The following KCNT2 variants were observed in gnomAD, a reference collection of about 807,000 sequenced individuals.
KCNT2 encodes the protein potassium sodium-activated channel subfamily T member 2.
In KCNT2, 67 loss-of-function variants were observed where a neutral mutation model predicts 153.8. That is an observed-to-expected ratio of 0.44 (90% CI 0.36 to 0.53). KCNT2 has a LOEUF of 0.53. Ranked by LOEUF, KCNT2 falls within the 20% of genes least tolerant of loss-of-function variation. The probability of loss-of-function intolerance (pLI) is 0.00; values close to 1 mark genes in which losing one functional copy is unlikely to be tolerated. For missense variants in KCNT2, 975 were observed against 1,354.8 expected, an observed-to-expected ratio of 0.72 and a Z score of 4.40; for synonymous variants, 500 against 458.8, an observed-to-expected ratio of 1.09 and a Z score of -1.15.
intron 8 of KCNT2, among the ~76,000 whole-genome samples, chr1:196,459,033 A>T (rs1676925898): frequency 6.6e-6 from 1 of 151,792 alleles, no homozygotes; most frequent in South Asian, 2.1e-4. Flanking sequence ...TTTCCCGTAG[A>T]TTGTATACCT....
At chr1:196,228,945 G>C (rs1488956258) in intron 27 of KCNT2, among the ~76,000 whole-genome samples, 3 of 151,946 alleles carry the variant, frequency 2.0e-5, no homozygotes, top group African/African-American at 7.2e-5. Context: ...CTAAAATTCA[G>C]CTTATGGTAT....
rs1661699837 is a variant in KCNT2, at chr1:196,578,976, T to G, written c.95+29239A>C. Among the ~76,000 whole-genome samples, 2 of 152,096 alleles carry G rather than the reference T, an allele frequency of 1.3e-5. 1 individual carries two copies. Among genetic ancestry groups the G allele is most frequent in the Non-Finnish European group, 2.9e-5 (2 of 68,026 alleles). ...AGAGATTTTTCATATAATCCCTAGCTCTACACAAGTGTAGTTTCCCTCATT... is the reference window on the plus strand; with the variant it reads ...AGAGATTTTTCATATAATCCCTAGCGCTACACAAGTGTAGTTTCCCTCATT... On this transcript the variant is annotated intron_variant, in intron 1 of 27. Transcript: ENST00000294725.
chr1:196,469,158 A>G (rs540983754), intron 5 of KCNT2, 90 bp from the exon 6 acceptor site: 3 of 715,464 alleles, frequency 4.2e-6, no homozygotes, highest in South Asian at 3.2e-5. Flanking sequence ...TTCTCTAGCA[A>G]TAAGGATGCT....
chr1:196,568,917 T>C (rs1660451606), intron 1 of KCNT2, among the ~76,000 whole-genome samples: 1 of 152,024 alleles, frequency 6.6e-6, no homozygotes, highest in Admixed American at 6.6e-5. Context: ...CTCTGTACGG[T>C]AAAATCTATT....
chr1:196,285,451 G>T (rs1659568066), intron 23 of KCNT2, among the ~76,000 whole-genome samples: 1 of 152,002 alleles, frequency 6.6e-6, no homozygotes, highest in Admixed American at 6.6e-5. Flanking sequence ...ATTTCCATAG[G>T]TTATTTTTAA....
intron 1 of KCNT2, among the ~76,000 whole-genome samples, chr1:196,506,403 G>T (rs1190832007): frequency 6.6e-6 from 1 of 152,094 alleles, no homozygotes; most frequent in African/African-American, 2.4e-5. Context: ...ATTTCAATTT[G>T]ATATGGTTGT....
intron 25 of KCNT2, 102 bp from the exon 26 acceptor site, chr1:196,258,596 C>A (rs898088958): frequency 1.1e-6 from 1 of 951,072 alleles, no homozygotes; most frequent in Non-Finnish European, 1.6e-6. Context: ...TATTTCTACT[C>A]AGGAGAGTTT....
chr1:196,257,545 T>G, intron 26 of KCNT2: 9 of 930,184 alleles, frequency 9.7e-6, no homozygotes, highest in Non-Finnish European at 1.2e-5. Flanking sequence ...TAAAGTAAAA[T>G]TCATACACTG....
At chr1:196,425,338 T>C (rs1465538077) in intron 11 of KCNT2, among the ~76,000 whole-genome samples, 1 of 151,984 alleles carries the variant, frequency 6.6e-6, no homozygotes, top group African/African-American at 2.4e-5. Flanking sequence ...GTCACCTTTC[T>C]GATTCCTCTA....
chr1:196,430,232 T>C (rs1674018822), intron 8 of KCNT2, among the ~76,000 whole-genome samples: 1 of 152,002 alleles, frequency 6.6e-6, no homozygotes, highest in African/African-American at 2.4e-5. Flanking sequence ...TTGAATGCTG[T>C]CCCCTCCAAA....
At position 196,453,677 on chromosome 1, in the gene KCNT2, G is replaced by A. The variant is rs561616111; in HGVS notation, c.638+11616C>T. ...TTAGATCATGCCACATCCAATGGGG[G>A]GATAATTCACGTGTCACCACAAATG... On this transcript the variant is annotated intron_variant, in intron 8 of 27. Coordinates refer to ENST00000294725, the MANE Select transcript of KCNT2 (RefSeq NM_198503.5). Among the ~76,000 whole-genome samples, 18 of 151,906 alleles carry A rather than the reference G, an allele frequency of 1.2e-4. No homozygotes were observed. In the East Asian group the frequency reaches 3.5e-3, roughly 30 times the overall value.
At chr1:196,580,349 T>A (rs970895604) in intron 1 of KCNT2, among the ~76,000 whole-genome samples, 1 of 151,988 alleles carries the variant, frequency 6.6e-6, no homozygotes, top group African/African-American at 2.4e-5. Flanking sequence ...GGGAGGGAGT[T>A]CCTGAGTAAC....
intron 12 of KCNT2, among the ~76,000 whole-genome samples, chr1:196,422,316 A>G (rs1236985297): frequency 6.6e-6 from 1 of 151,964 alleles, no homozygotes; most frequent in Non-Finnish European, 1.5e-5. Context: ...CCCATTCTCT[A>G]TAGAAACCAC....
chr1:196,307,864 G>T (rs932965055), intron 21 of KCNT2, among the ~76,000 whole-genome samples: 1 of 151,990 alleles, frequency 6.6e-6, no homozygotes, highest in Non-Finnish European at 1.5e-5. Context: ...ACTCCATCTG[G>T]TAGGCCTGGG....
intron 1 of KCNT2, among the ~76,000 whole-genome samples, chr1:196,495,536 CCTT>C (rs1283367518): frequency 6.6e-6 from 1 of 152,038 alleles, no homozygotes; most frequent in Non-Finnish European, 1.5e-5. Context: ...TCCCTCTCTT[CCTT>C]CTTTTCTTCT....
At chr1:196,437,524 T>C (rs1674835032) in intron 8 of KCNT2, among the ~76,000 whole-genome samples, 1 of 149,036 alleles carries the variant, frequency 6.7e-6, no homozygotes, top group Admixed American at 6.8e-5. Context: ...TTTTGCTATC[T>C]AAAATATAAA....
chr1:196,414,920 A>G (rs755432620), intron 12 of KCNT2, among the ~76,000 whole-genome samples: 1 of 151,938 alleles, frequency 6.6e-6, no homozygotes, highest in Non-Finnish European at 1.5e-5. Flanking sequence ...AAGCACATAA[A>G]ATGACAGTGA....
At chr1:196,333,459 AATT>A (rs1170501817) in intron 17 of KCNT2, among the ~76,000 whole-genome samples, 1 of 152,160 alleles carries the variant, frequency 6.6e-6, no homozygotes, top group Non-Finnish European at 1.5e-5. Context: ...TTCATTGAAT[AATT>A]GATTGAACTT....
chr1:196,229,427 T>C (rs974632148), intron 27 of KCNT2, among the ~76,000 whole-genome samples: 3 of 152,096 alleles, frequency 2.0e-5, no homozygotes, highest in African/African-American at 7.2e-5. Context: ...CAACTGGCTA[T>C]TCCCTCGACT....
Sources: allele counts gnomAD v4.1 joint callset (sites outside exome capture counted in the v4.1 genomes callset), GRCh38; gene constraint gnomAD v4.1.1; transcripts MANE v1.5; gene names NCBI Gene and HGNC (gene_info 2026-07-23, HGNC 2026-07-21).